VIPR1: variants seen among roughly 807,000 people sequenced by gnomAD.
The protein encoded by VIPR1 is vasoactive intestinal polypeptide receptor 1.
Under a neutral mutation model 58.8 loss-of-function variants are expected in VIPR1, and 59 were observed. That is an observed-to-expected ratio of 1.00 (90% CI 0.81 to 1.25). The LOEUF (loss-of-function observed/expected upper bound fraction) is 1.25, where lower values mean the gene tolerates loss of function less well. Ranked by LOEUF, VIPR1 falls within the 50% of genes most tolerant of loss-of-function variation. VIPR1 has a pLI of 0.00. For missense variants in VIPR1, 626 were observed against 602.7 expected, an observed-to-expected ratio of 1.04 and a Z score of -0.40; for synonymous variants, 251 against 242.1, an observed-to-expected ratio of 1.04 and a Z score of -0.34.
rs1410229474 is a variant in VIPR1, at chr3:42,519,266, C to T, written c.228C>T (p.Thr76=). 21 of 1,610,874 alleles carry T rather than the reference C, an allele frequency of 1.3e-5. No individual in the cohort carries two copies. The highest frequency in any genetic ancestry group is 1.7e-5 in the Non-Finnish European group (20 of 1,178,698). Residue 76 remains threonine, a synonymous_variant, in exon 3 of 13, where the codon ACC becomes ACT. Transcript: ENST00000325123. ...ACAACCTCACCTGCTGGCCAGCCAC[C>T]CCTCGGGGCCAGGTAGTTGTCTTGG... The part of the protein sequence containing the change: ...MWDNLTCWPA[T]PRGQVVVLAC...
chr3:42,503,464 G>A (rs926059191), intron 1 of VIPR1, among the ~76,000 whole-genome samples: 2 of 152,178 alleles, frequency 1.3e-5, no homozygotes, highest in African/African-American at 4.8e-5. Context: ...TGAGCAGGGA[G>A]CCAATGCCAA....
rs557947198 is a variant in VIPR1 at position 42,520,451 on chromosome 3, G to T, written c.292+1121G>T. Among the ~76,000 whole-genome samples, 5 of 152,270 alleles carry T rather than the reference G, an allele frequency of 3.3e-5. No individual in the cohort carries two copies. In the South Asian group the frequency reaches 1.0e-3, roughly 32 times the overall value. ...GTAAACAGGAAAACCCAATCACAAG[G>T]CAGGCAGGAAATGATGGCTTGAATT... On this transcript the variant is annotated intron_variant, in intron 3 of 12. Transcript: ENST00000325123.
chr3:42,519,749 G>A (rs1239389664), intron 3 of VIPR1, among the ~76,000 whole-genome samples: 2 of 152,148 alleles, frequency 1.3e-5, no homozygotes, highest in Non-Finnish European at 2.9e-5. Flanking sequence ...CACAGAATGA[G>A]GCAGAAAAGA....
chr3:42,499,757 GC>G (rs932025169), upstream of VIPR1, among the ~76,000 whole-genome samples: 44 of 151,998 alleles, frequency 2.9e-4, no homozygotes, highest in African/African-American at 9.9e-4. Flanking sequence ...TAGTCCGTCG[GC>G]CCCCCCTCTG....
intron 12 of VIPR1, 31 bp from the exon 13 acceptor site, chr3:42,536,059 C>T (rs1454628218): frequency 1.3e-6 from 2 of 1,560,514 alleles, no homozygotes; most frequent in South Asian, 2.4e-5. Flanking sequence ...GGCTCCACAG[C>T]AGTGGGCCTG....
chr3:42,516,598 G>A (rs1385618437), intron 2 of VIPR1: 1 of 152,280 alleles, frequency 6.6e-6, no homozygotes, highest in Non-Finnish European at 1.5e-5. Context: ...CCTGGCCTGT[G>A]CTGGCAGCCG....
At chr3:42,506,203 G>A (rs1700115262) in intron 1 of VIPR1, among the ~76,000 whole-genome samples, 1 of 152,224 alleles carries the variant, frequency 6.6e-6, no homozygotes, top group African/African-American at 2.4e-5. Context: ...GGTAGGCAAT[G>A]GGGCCTCTCA....
rs1701552762 is a variant in VIPR1, at chr3:42,531,536, G to A, written c.851+5G>A. 1 of 1,594,532 alleles carries A rather than the reference G, an allele frequency of 6.3e-7. No homozygotes were observed. On this transcript the variant is annotated splice_donor_5th_base_variant and intron_variant, in intron 8 of 12. Coordinates refer to ENST00000325123, the MANE Select transcript of VIPR1 (RefSeq NM_004624.4). Reference sequence around the variant, plus strand: ...GATCCATTTTGAGGATTATGGGTGAGCTGCTGCCCCACACACTCCCCCGGC... The same window carrying A: ...GATCCATTTTGAGGATTATGGGTGAACTGCTGCCCCACACACTCCCCCGGC...
At chr3:42,521,786 C>T (rs1700933364) in intron 3 of VIPR1, among the ~76,000 whole-genome samples, 2 of 152,058 alleles carry the variant, frequency 1.3e-5, no homozygotes, top group African/African-American at 4.8e-5. Context: ...CTTGCTCTGT[C>T]ACCCAGGCTG....
chr3:42,519,202 T>A, intron 2 of VIPR1, 21 bp from the exon 3 acceptor site: 1 of 1,592,322 alleles, frequency 6.3e-7, no homozygotes. Flanking sequence ...CACCCATGTG[T>A]CTTCTGCCTT....
Position 42,534,993 on chromosome 3 carries a change from A to G in VIPR1, c.1029A>G (p.Thr343=). The G allele has an allele frequency of 4.3e-6, 7 of 1,613,694 alleles. No individual in the cohort carries two copies. The highest frequency in any genetic ancestry group is 1.1e-5 in the South Asian group (1 of 91,060). The part of the protein sequence containing the change: ...SSPYSRLARS[T]LLLIPLFGVH... Reference sequence around the variant, plus strand: ...TCTCCAGAAGGCTAGCCAGGTCCACACTCCTGCTGATCCCCCTGTTTGGAG... The same window carrying G: ...TCTCCAGAAGGCTAGCCAGGTCCACGCTCCTGCTGATCCCCCTGTTTGGAG... The change falls in exon 11 of 13, where the codon ACA becomes ACG. Residue 343 remains threonine, a synonymous_variant. Coordinates refer to ENST00000325123, the MANE Select transcript of VIPR1 (RefSeq NM_004624.4).
rs1701547137 is a variant in VIPR1 at position 42,531,468 on chromosome 3, C to G, written c.791-3C>G. On this transcript the variant is annotated splice_region_variant and splice_polypyrimidine_tract_variant and intron_variant, in intron 7 of 12. Transcript: ENST00000325123. ...GCTCTTTCACTCTCCCTGGGCCTGACAGGGGTACCCAGCACATTCACCATG... is the reference window on the plus strand; with the variant it reads ...GCTCTTTCACTCTCCCTGGGCCTGAGAGGGGTACCCAGCACATTCACCATG... The G allele has an allele frequency of 1.3e-6, 2 of 1,578,790 alleles. No individual in the cohort carries two copies. The highest frequency in any genetic ancestry group is 2.3e-5 in the East Asian group (1 of 43,382).
chr3:42,502,682 GC>G lies in VIPR1; in HGVS notation c.-51del, dbSNP rs1046945605. On this transcript the variant is annotated 5_prime_UTR_variant, in exon 1 of 13. Coordinates refer to ENST00000325123, the MANE Select transcript of VIPR1 (RefSeq NM_004624.4). ...CCGGCCATCGCCCGCCTGGTGCGCCGCCCGCCAGCTCTTTGCCCGCGCGGGG... is the reference window on the plus strand; with the variant it reads ...CCGGCCATCGCCCGCCTGGTGCGCCGCCGCCAGCTCTTTGCCCGCGCGGGG... The G allele has an allele frequency of 1.8e-4, 219 of 1,243,772 alleles. No homozygotes were observed. The highest frequency in any genetic ancestry group is 7.3e-4 in the Admixed American group (17 of 23,324). 77.0% of individuals were successfully genotyped at this position (1,243,772 alleles called of 1,614,324 possible). A position where few individuals can be genotyped will look rare whatever the true frequency, so the allele number is the denominator to read the frequency against.
Position 42,526,007 on chromosome 3 carries a change from C to A in VIPR1, c.399+14C>A, listed in dbSNP as rs752516156. ...AGTTTGGATGAGGTGGGTCTCAGGG[C>A]ACCCCCACCTCACCTGCAGAGCGCC... On this transcript the variant is annotated intron_variant, in intron 4 of 12. Coordinates refer to ENST00000325123, the MANE Select transcript of VIPR1 (RefSeq NM_004624.4). 1.2e-6 allele frequency: 2 copies of A among 1,602,796 alleles called. No homozygotes were observed. The highest frequency in any genetic ancestry group is 1.3e-5 in the African/African-American group (1 of 74,742).
intron 6 of VIPR1, 78 bp from the exon 7 acceptor site, chr3:42,530,701 T>TC: frequency 6.6e-7 from 1 of 1,509,062 alleles, no homozygotes. Flanking sequence ...ACTGTGTTTG[T>TC]CCCCCCAGAC....
chr3:42,536,338 G>GCAGA lies in VIPR1; in HGVS notation c.*59_*62dup, dbSNP rs1427294943. ...CTCCCGCCCCTTCCCACTCACCCCGGCAGACGCCGGGGACAGAGGCCTGCC... is the reference window on the plus strand; with the variant it reads ...CTCCCGCCCCTTCCCACTCACCCCGGCAGACAGACGCCGGGGACAGAGGCCTGCC... On this transcript the variant is annotated 3_prime_UTR_variant, in exon 13 of 13. Transcript: ENST00000325123. 2.7e-6 allele frequency: 4 copies of GCAGA among 1,459,288 alleles called. No individual in the cohort carries two copies. Among genetic ancestry groups the GCAGA allele is most frequent in the Non-Finnish European group, 3.6e-6 (4 of 1,111,680 alleles). 90.4% of individuals were successfully genotyped at this position (1,459,288 alleles called of 1,614,324 possible). A position where few individuals can be genotyped will look rare whatever the true frequency, so the allele number is the denominator to read the frequency against.
At chr3:42,513,896 G>A in intron 2 of VIPR1, 42 bp downstream of exon 2, 1 of 1,535,124 alleles carries the variant, frequency 6.5e-7, no homozygotes, top group Non-Finnish European at 8.8e-7. Flanking sequence ...TGCCCCCAGG[G>A]AGCCCAAGAT....
chr3:42,531,334 C>A, intron 7 of VIPR1, 137 bp from the exon 8 acceptor site: 1 of 906,340 alleles, frequency 1.1e-6, no homozygotes, highest in South Asian at 1.6e-5. Flanking sequence ...ACCTATGCAA[C>A]CAAAGACAGC....
Position 42,534,771 on chromosome 3 carries a change from G to C in VIPR1, c.1011-204G>C, listed in dbSNP as rs530623273. The stretch of plus-strand genomic sequence containing the variant: ...CTCATGCTTCCCTCCAGGCCAGGAG[G>C]GCTGGGGGCAGAAGGGCAGAGGCAC... On this transcript the variant is annotated intron_variant, in intron 10 of 12. Transcript: ENST00000325123. The C allele has an allele frequency of 1.9e-4, 107 of 577,988 alleles. 1 individual carries two copies. In the African/African-American group the frequency reaches 2.0e-3, roughly 11 times the overall value. 35.8% of individuals were successfully genotyped at this position (577,988 alleles called of 1,614,324 possible). A position where few individuals can be genotyped will look rare whatever the true frequency, so the allele number is the denominator to read the frequency against.
Sources: allele counts gnomAD v4.1 joint callset (sites outside exome capture counted in the v4.1 genomes callset), GRCh38; gene constraint gnomAD v4.1.1; transcripts MANE v1.5; gene names NCBI Gene and HGNC (gene_info 2026-07-23, HGNC 2026-07-21).